Variants in RBMS3 observed in about 807,000 individuals in gnomAD.
RBMS3 encodes the protein RNA binding motif single stranded interacting protein 3.
RBMS3 carries 27 observed loss-of-function variants against 66.8 expected under a neutral mutation model. The ratio of observed to expected loss-of-function variants is 0.40; its 90% CI spans 0.30 to 0.56. The LOEUF (loss-of-function observed/expected upper bound fraction) is 0.56. Among genes scored for constraint, RBMS3 ranks in the 20% least tolerant of loss-of-function variants. RBMS3 has a pLI of 0.40. For synonymous variants in RBMS3, 188 were observed against 183.0 expected, an observed-to-expected ratio of 1.03 and a Z score of -0.22; for missense variants, 513 against 549.5, an observed-to-expected ratio of 0.93 and a Z score of 0.66.
intron 4 of RBMS3, among the ~76,000 whole-genome samples, chr3:29,600,249 C>T (rs537013926): frequency 2.0e-4 from 31 of 152,098 alleles, no homozygotes; most frequent in Non-Finnish European, 3.1e-4. Flanking sequence ...TGCTGAAATT[C>T]GATCCCCGTG....
intron 6 of RBMS3, among the ~76,000 whole-genome samples, chr3:29,857,894 C>T (rs918246709): frequency 2.0e-5 from 3 of 152,062 alleles, no homozygotes; most frequent in Non-Finnish European, 2.9e-5. Flanking sequence ...TTAGCTCATC[C>T]CCTATTGATG....
chr3:29,504,338 C>T (rs186780298), intron 3 of RBMS3, among the ~76,000 whole-genome samples: 3 of 151,994 alleles, frequency 2.0e-5, no homozygotes, highest in Admixed American at 2.0e-4. Flanking sequence ...TAGGGGGCCA[C>T]AAAACATGAA....
intron 2 of RBMS3, among the ~76,000 whole-genome samples, chr3:29,453,677 C>T (rs1293235512): frequency 1.3e-5 from 2 of 152,160 alleles, no homozygotes; most frequent in African/African-American, 4.8e-5. Context: ...TTATAGACCA[C>T]GTAAAGTTAA....
At chr3:29,738,478 A>G (rs530783626) in intron 4 of RBMS3, among the ~76,000 whole-genome samples, 1 of 152,354 alleles carries the variant, frequency 6.6e-6, no homozygotes, top group African/African-American at 2.4e-5. Flanking sequence ...ATTATATAAA[A>G]TAGAGAAAAT....
chr3:29,410,610 T>C (rs371035967), intron 1 of RBMS3, among the ~76,000 whole-genome samples: 1 of 152,370 alleles, frequency 6.6e-6, no homozygotes, highest in Non-Finnish European at 1.5e-5. Context: ...TAATATTTGA[T>C]GTCCTCTTCC....
At chr3:29,309,437 T>A (rs2034233358) in intron 1 of RBMS3, among the ~76,000 whole-genome samples, 1 of 151,798 alleles carries the variant, frequency 6.6e-6, no homozygotes, top group Non-Finnish European at 1.5e-5. Flanking sequence ...CGTATTTGTA[T>A]CATAATGTAC....
chr3:29,732,528 T>C (rs1311055921), intron 4 of RBMS3, among the ~76,000 whole-genome samples: 2 of 152,130 alleles, frequency 1.3e-5, no homozygotes, highest in Non-Finnish European at 2.9e-5. Context: ...ATCACACAAA[T>C]ATATAATACT....
chr3:29,281,614 G>A lies in RBMS3; in HGVS notation c.-68G>A. 7.6e-7 allele frequency: 1 copy of A among 1,317,798 alleles called. No homozygotes were observed. Among genetic ancestry groups the A allele is most frequent in the Non-Finnish European group, 1.1e-6 (1 of 912,256 alleles). The allele number at this position is 1,317,798 out of a possible 1,614,324, so 81.6% of individuals were successfully genotyped here. A position where few individuals can be genotyped will look rare whatever the true frequency, so the allele number is the denominator to read the frequency against. On this transcript the variant is annotated 5_prime_UTR_variant, in exon 1 of 15. Coordinates refer to ENST00000383767, the MANE Select transcript of RBMS3 (RefSeq NM_001003793.3). ...ACTGTCAGGAATAGTGGTTTAAGAG[G>A]AAGCTCGGCCTGGGGCACTATACCC...
chr3:29,703,543 G>T (rs1396824785), intron 4 of RBMS3, among the ~76,000 whole-genome samples: 2 of 152,300 alleles, frequency 1.3e-5, no homozygotes, highest in East Asian at 3.9e-4. Flanking sequence ...TATCTGCAAT[G>T]CCCAGAGTAT....
intron 4 of RBMS3, among the ~76,000 whole-genome samples, chr3:29,667,586 A>G (rs373080429): frequency 1.3e-5 from 2 of 152,210 alleles, no homozygotes; most frequent in East Asian, 1.9e-4. Context: ...CTTATGCAGA[A>G]CAGTAAGATG....
chr3:29,888,851 A>G (rs1243837254), intron 8 of RBMS3, among the ~76,000 whole-genome samples: 22 of 151,740 alleles, frequency 1.4e-4, no homozygotes. Flanking sequence ...TGCAATCTGT[A>G]TCCGATGTAT....
intron 14 of RBMS3, 35 bp downstream of exon 14, chr3:29,991,244 G>C (rs775822102): frequency 3.1e-6 from 5 of 1,613,340 alleles, no homozygotes; most frequent in Non-Finnish European, 4.2e-6. Context: ...TTTTCCTCAA[G>C]ATCAGCCATC....
chr3:29,514,857 CCTAA>C (rs776665600), intron 3 of RBMS3, among the ~76,000 whole-genome samples: 115 of 150,786 alleles, frequency 7.6e-4, no homozygotes, highest in African/African-American at 2.3e-3. Flanking sequence ...AAAAATAATA[CCTAA>C]CTGTCAGTGA....
chr3:29,398,115 G>C (rs528806550), intron 1 of RBMS3, among the ~76,000 whole-genome samples: 1 of 152,122 alleles, frequency 6.6e-6, no homozygotes, highest in African/African-American at 2.4e-5. Flanking sequence ...GTGGCTATAT[G>C]AGCATCATAA....
intron 12 of RBMS3, among the ~76,000 whole-genome samples, chr3:29,980,427 T>G (rs1697908574): frequency 6.6e-6 from 1 of 152,202 alleles, no homozygotes; most frequent in African/African-American, 2.4e-5. Flanking sequence ...GCAGAAACTC[T>G]TTAGTTTAAT....
intron 12 of RBMS3, among the ~76,000 whole-genome samples, chr3:29,973,505 T>C (rs73829216): frequency 0.011 from 1,714 of 152,132 alleles, 37 homozygotes; most frequent in African/African-American, 0.039. Context: ...TATCATGTCC[T>C]ATTACCCAGT....
At chr3:29,581,835 C>A (rs571412328) in intron 3 of RBMS3, among the ~76,000 whole-genome samples, 4 of 152,092 alleles carry the variant, frequency 2.6e-5, no homozygotes, top group African/African-American at 7.2e-5. Context: ...GATGGCCCTG[C>A]AAATCTAAAG....
intron 5 of RBMS3, among the ~76,000 whole-genome samples, chr3:29,745,198 C>A (rs1313140844): frequency 1.3e-5 from 2 of 152,070 alleles, no homozygotes; most frequent in Non-Finnish European, 2.9e-5. Context: ...TCCAGAAGCA[C>A]AAGATAGTGT....
At chr3:29,872,948 T>C (rs183333237) in intron 7 of RBMS3, among the ~76,000 whole-genome samples, 11 of 152,346 alleles carry the variant, frequency 7.2e-5, no homozygotes, top group African/African-American at 2.4e-4. Flanking sequence ...CGTTGGTCTA[T>C]GTGCCTATGT....
Sources: gnomAD v4.1 joint callset for allele counts (sites outside exome capture counted in the v4.1 genomes callset) on GRCh38, gnomAD v4.1.1 for gene constraint, MANE v1.5 for transcripts, NCBI Gene and HGNC (gene_info 2026-07-23, HGNC 2026-07-21) for gene names.